HOMER2: variants seen among roughly 807,000 people sequenced by gnomAD.
HOMER2 encodes homer scaffold protein 2, also known as homer protein homolog 2.
In HOMER2, 27 loss-of-function variants were observed where a neutral mutation model predicts 47.0. The ratio of observed to expected loss-of-function variants is 0.57; its 90% confidence interval spans 0.42 to 0.79. The LOEUF is 0.79. Ranked by LOEUF, HOMER2 falls within the 30% of genes least tolerant of loss-of-function variation. The pLI, the probability that HOMER2 is intolerant of heterozygous loss-of-function variation, is 0.00. For synonymous variants in HOMER2, 161 were observed against 163.8 expected (o/e 0.98, Z 0.13); for missense variants, 443 against 435.0 (o/e 1.02, Z -0.16).
chr15:82,852,010 T>A (rs972975116), intron 7 of HOMER2, 132 bp downstream of exon 7: 7 of 635,510 alleles, frequency 1.1e-5, no homozygotes, highest in Non-Finnish European at 1.9e-5. Flanking sequence ...TTGCTGTGGC[T>A]CCCAGCTCTC....
intron 5 of HOMER2, among the ~76,000 whole-genome samples, chr15:82,857,916 A>T (rs1256362390): frequency 1.3e-5 from 2 of 152,246 alleles, no homozygotes; most frequent in Non-Finnish European, 2.9e-5. Context: ...ATACAAAATC[A>T]TAAGCACCGC....
intron 1 of HOMER2, among the ~76,000 whole-genome samples, chr15:82,984,326 C>T (rs917100366): frequency 6.6e-6 from 1 of 152,192 alleles, no homozygotes; most frequent in South Asian, 2.1e-4. Flanking sequence ...GCCACCGCAC[C>T]CGGCCTTTTA....
chr15:82,918,969 G>T (rs114242058), intron 1 of HOMER2, among the ~76,000 whole-genome samples: 1 of 152,130 alleles, frequency 6.6e-6, no homozygotes, highest in Non-Finnish European at 1.5e-5. Flanking sequence ...TTAAAGAAGC[G>T]TTTTTTTCTA....
At position 82,881,280 on chromosome 15, in the gene HOMER2, C is replaced by T. The variant is rs1010769595; in HGVS notation, c.163-5876G>A. ...GGAAGCAGCAAAATGCTAAGTTTCT[C>T]CTGTCTCCAGTCTCACCTGCTCTGG... On this transcript the variant is annotated intron_variant, in intron 2 of 8. Transcript: ENST00000450735. 2.0e-5 allele frequency among the ~76,000 whole-genome samples: 3 copies of T among 152,228 alleles called. No individual in the cohort carries two copies. The South Asian group carries it at 6.2e-4, about 32-fold the overall frequency.
intron 1 of HOMER2, among the ~76,000 whole-genome samples, chr15:82,908,017 T>C (rs956765741): frequency 1.3e-5 from 2 of 152,240 alleles, no homozygotes; most frequent in African/African-American, 4.8e-5. Context: ...AGACATTCTA[T>C]GATTCCATTT....
chr15:82,875,662 G>C (rs1596317947), intron 2 of HOMER2, among the ~76,000 whole-genome samples: 2 of 152,268 alleles, frequency 1.3e-5, no homozygotes, highest in South Asian at 2.1e-4. Context: ...CGTTATCCGT[G>C]GGAGAAAGTC....
intron 1 of HOMER2, among the ~76,000 whole-genome samples, chr15:82,939,572 A>G (rs2054217273): frequency 6.6e-6 from 1 of 152,202 alleles, no homozygotes; most frequent in South Asian, 2.1e-4. Context: ...TGGGGGGCTG[A>G]GGCAGGAAGA....
At chr15:82,926,854 G>C (rs932671055) in intron 1 of HOMER2, among the ~76,000 whole-genome samples, 2 of 152,084 alleles carry the variant, frequency 1.3e-5, no homozygotes, top group African/African-American at 2.4e-5. Flanking sequence ...TTCATTATGT[G>C]ATGACAAGCA....
chr15:82,956,471 A>T (rs547228172), upstream of HOMER2, among the ~76,000 whole-genome samples: 1 of 152,298 alleles, frequency 6.6e-6, no homozygotes, highest in East Asian at 1.9e-4. Context: ...AATTTATTCA[A>T]ATGCAGTGAG....
chr15:82,909,314 G>A (rs576561760), intron 1 of HOMER2, among the ~76,000 whole-genome samples: 6 of 152,288 alleles, frequency 3.9e-5, no homozygotes, highest in Admixed American at 1.3e-4. Context: ...GAGCACACTC[G>A]ACAAGGGAGG....
At chr15:82,859,751 A>C (rs2051711250) in intron 4 of HOMER2, among the ~76,000 whole-genome samples, 1 of 152,186 alleles carries the variant, frequency 6.6e-6, no homozygotes, top group Non-Finnish European at 1.5e-5. Context: ...GTGAAATCTC[A>C]TCTGGTGCTA....
At chr15:82,881,198 A>G (rs1207792429) in intron 2 of HOMER2, among the ~76,000 whole-genome samples, 6 of 152,248 alleles carry the variant, frequency 3.9e-5, no homozygotes, top group Admixed American at 3.9e-4. Context: ...AGTCCTGCAG[A>G]TCAGTGGGAC....
intron 1 of HOMER2, among the ~76,000 whole-genome samples, chr15:82,903,239 C>T (rs1378459710): frequency 6.6e-6 from 1 of 152,202 alleles, no homozygotes; most frequent in Non-Finnish European, 1.5e-5. Context: ...GAGTGGGTTC[C>T]TGAGATTTCA....
chr15:82,954,297 TA>T (rs907498084), upstream of HOMER2, among the ~76,000 whole-genome samples: 8 of 151,804 alleles, frequency 5.3e-5, no homozygotes, highest in South Asian at 8.3e-4. Context: ...TTATTTTTAT[TA>T]TTTTTTTTTT....
chr15:82,913,664 A>C lies in HOMER2; in HGVS notation c.6-20823T>G, dbSNP rs560850974. ...AGCAGATCACACAGTCAAGCTTTGC[A>C]TGCCTTAGGAAATGTTCTTGCTGCA... On this transcript the variant is annotated intron_variant, in intron 1 of 8. Transcript: ENST00000450735. This position sits in a 1 kb window ranked among gnomAD's most constrained non-coding sequence, Gnocchi z 4.1. Among the ~76,000 whole-genome samples, 1 of 152,318 alleles carries C rather than the reference A, an allele frequency of 6.6e-6. No homozygotes were observed. The highest frequency in any genetic ancestry group is 1.9e-4 in the East Asian group (1 of 5,184).
rs182057765 is a variant in HOMER2, at chr15:82,971,953, T to C, written n.83-12645A>G. Among the ~76,000 whole-genome samples, 57 of 152,362 alleles carry C rather than the reference T, an allele frequency of 3.7e-4. No homozygotes were observed. In the East Asian group the frequency reaches 0.011, roughly 29 times the overall value. ...GGCCTAAATCTCCTCTTCTATTCTC[T>C]GTGCCATATTATCCTGGGGTTTCAA... On this transcript the variant is annotated intron_variant and non_coding_transcript_variant, in intron 1 of 1. Coordinates refer to the HOMER2 transcript ENST00000500334.
At chr15:82,941,259 C>A (rs529118006) in intron 1 of HOMER2, among the ~76,000 whole-genome samples, 1 of 151,940 alleles carries the variant, frequency 6.6e-6, no homozygotes, top group South Asian at 2.1e-4. Context: ...GCCTGACCAA[C>A]ATGATGAAAC....
At chr15:82,905,061 A>G (rs2053247065) in intron 1 of HOMER2, among the ~76,000 whole-genome samples, 1 of 152,164 alleles carries the variant, frequency 6.6e-6, no homozygotes, top group Non-Finnish European at 1.5e-5. Flanking sequence ...TGGATAATGT[A>G]AGGAGATGGA....
chr15:82,864,879 A>C (rs2051914479), intron 3 of HOMER2, among the ~76,000 whole-genome samples: 1 of 152,266 alleles, frequency 6.6e-6, no homozygotes, highest in Non-Finnish European at 1.5e-5. Context: ...TTTAATTAGC[A>C]AATTCATTGT....
Sources: gnomAD v4.1 joint callset for allele counts (sites outside exome capture counted in the v4.1 genomes callset) on GRCh38, gnomAD v4.1.1 for gene constraint, Gnocchi (gnomAD v3.1) non-coding constraint, MANE v1.5 for transcripts, NCBI Gene and HGNC (gene_info 2026-07-23, HGNC 2026-07-21) for gene names.